The following CDKAL1 variants were observed in gnomAD, a reference collection of about 807,000 sequenced individuals.
CDKAL1 encodes CDKAL1 threonylcarbamoyladenosine tRNA methylthiotransferase.
Under a neutral mutation model 68.2 loss-of-function variants are expected in CDKAL1, and 32 were observed. That is an observed-to-expected ratio of 0.47 (90% CI 0.35 to 0.63). The LOEUF (loss-of-function observed/expected upper bound fraction) is 0.63, where lower values mean the gene tolerates loss of function less well. CDKAL1 is among the 30% of genes least tolerant of loss of function. The probability of loss-of-function intolerance (pLI) is 0.00; values close to 1 mark genes in which losing one functional copy is unlikely to be tolerated. For missense variants in CDKAL1, 606 were observed against 696.7 expected (o/e 0.87, Z 1.47); for synonymous variants, 234 against 244.3 (o/e 0.96, Z 0.39).
chr6:20,946,892 T>C (rs1036878339), intron 9 of CDKAL1, among the ~76,000 whole-genome samples: 18 of 152,202 alleles, frequency 1.2e-4, no homozygotes, highest in African/African-American at 4.3e-4. Flanking sequence ...CCACTGCAAC[T>C]GACCTCATCA....
At chr6:20,645,203 C>G (rs1768383927) in intron 4 of CDKAL1, among the ~76,000 whole-genome samples, 1 of 152,156 alleles carries the variant, frequency 6.6e-6, no homozygotes, top group Non-Finnish European at 1.5e-5. Flanking sequence ...GGGACATACC[C>G]TGCACCCTAC....
chr6:20,760,515 T>C (rs887128521), intron 7 of CDKAL1, among the ~76,000 whole-genome samples: 12 of 152,176 alleles, frequency 7.9e-5, no homozygotes, highest in African/African-American at 2.4e-4. Context: ...AATATTTTCC[T>C]AATTTTGCAG....
At chr6:20,675,450 TATC>T (rs1770045272) in intron 5 of CDKAL1, among the ~76,000 whole-genome samples, 1 of 152,216 alleles carries the variant, frequency 6.6e-6, no homozygotes, top group Non-Finnish European at 1.5e-5. Flanking sequence ...AAATTACCCA[TATC>T]ATCTTGGTTT....
At chr6:20,850,005 C>A (rs6456378) in intron 9 of CDKAL1, among the ~76,000 whole-genome samples, 146,006 of 152,332 alleles carry the variant, frequency 0.96, 69,985 homozygotes, top group East Asian at 1. Flanking sequence ...ATGAAAGTAA[C>A]CATAATAGAA....
At chr6:20,925,764 C>A (rs1763156809) in intron 9 of CDKAL1, among the ~76,000 whole-genome samples, 1 of 152,164 alleles carries the variant, frequency 6.6e-6, no homozygotes, top group South Asian at 2.1e-4. Context: ...GATACTAGAA[C>A]CTCTATCAAT....
chr6:20,569,586 TA>T (rs1764614604), intron 4 of CDKAL1, among the ~76,000 whole-genome samples: 1 of 152,228 alleles, frequency 6.6e-6, no homozygotes, highest in South Asian at 2.1e-4. Context: ...CCAGCCACCA[TA>T]ATGCTTAATT....
intron 9 of CDKAL1, among the ~76,000 whole-genome samples, chr6:20,884,292 AAAACAAAC>A (rs139241102): frequency 5.3e-5 from 8 of 151,908 alleles, no homozygotes; most frequent in Admixed American, 2.0e-4. Flanking sequence ...GTTGATGGAA[AAAACAAAC>A]AAACAAACAA....
At chr6:21,102,950 C>T (rs900642930) in intron 12 of CDKAL1, among the ~76,000 whole-genome samples, 3 of 152,308 alleles carry the variant, frequency 2.0e-5, no homozygotes, top group Middle Eastern at 6.8e-3. Flanking sequence ...AAATGCAAAC[C>T]CGCTCTTTTG....
intron 8 of CDKAL1, among the ~76,000 whole-genome samples, chr6:20,824,628 AAG>A (rs1333258229): frequency 3.3e-5 from 5 of 152,324 alleles, no homozygotes; most frequent in African/African-American, 9.6e-5. Context: ...AAGCCAGCAA[AAG>A]AGAGAGTTTT....
intron 12 of CDKAL1, among the ~76,000 whole-genome samples, chr6:21,103,406 T>C (rs1004890558): frequency 6.6e-6 from 1 of 150,464 alleles, no homozygotes; most frequent in African/African-American, 2.5e-5. Flanking sequence ...TGTTTGGTTT[T>C]GTCTGAAAAG....
At chr6:21,186,040 A>G (rs1454725536) in intron 13 of CDKAL1, among the ~76,000 whole-genome samples, 8 of 136,738 alleles carry the variant, frequency 5.9e-5, no homozygotes, top group African/African-American at 2.2e-4. Flanking sequence ...CCGGGCTCTC[A>G]GGGTCTCCCG....
At chr6:20,755,911 G>A (rs1441338905) in intron 6 of CDKAL1, among the ~76,000 whole-genome samples, 1 of 152,138 alleles carries the variant, frequency 6.6e-6, no homozygotes, top group Non-Finnish European at 1.5e-5. Context: ...TTTATGATAT[G>A]CTTTCTAACT....
At chr6:20,874,080 G>GATAT (rs1760363031) in intron 9 of CDKAL1, among the ~76,000 whole-genome samples, 8 of 152,118 alleles carry the variant, frequency 5.3e-5, no homozygotes, top group Admixed American at 1.3e-4. Flanking sequence ...AGGACGTTGG[G>GATAT]CCTGGGATAT....
intron 4 of CDKAL1, among the ~76,000 whole-genome samples, chr6:20,595,193 A>G (rs1765767537): frequency 6.6e-6 from 1 of 151,966 alleles, no homozygotes; most frequent in Admixed American, 6.6e-5. Flanking sequence ...TGTTCTCTGT[A>G]TTTCCTAAAT....
intron 5 of CDKAL1, among the ~76,000 whole-genome samples, chr6:20,673,000 C>T (rs1769923019): frequency 6.6e-6 from 1 of 152,182 alleles, no homozygotes; most frequent in African/African-American, 2.4e-5. Flanking sequence ...TGGTCTTGAA[C>T]TCCTGACCTC....
intron 4 of CDKAL1, among the ~76,000 whole-genome samples, chr6:20,557,058 T>TA (rs1561923487): frequency 7.2e-5 from 9 of 125,534 alleles, no homozygotes; most frequent in East Asian, 4.8e-4. Context: ...AAAAAATAAA[T>TA]AAATAAATAA....
chr6:20,781,888 G>C (rs1391146205), intron 8 of CDKAL1, among the ~76,000 whole-genome samples: 1 of 152,132 alleles, frequency 6.6e-6, no homozygotes, highest in Non-Finnish European at 1.5e-5. Flanking sequence ...CTGAAAATTT[G>C]ATGAGATGAA....
At chr6:21,225,143 G>A (rs113395744) in intron 15 of CDKAL1, among the ~76,000 whole-genome samples, 1 of 152,140 alleles carries the variant, frequency 6.6e-6, no homozygotes, top group African/African-American at 2.4e-5. Flanking sequence ...CACCACTGTT[G>A]ACACGCGCCA....
chr6:20,894,118 T>G (rs1457178640), intron 9 of CDKAL1, among the ~76,000 whole-genome samples: 1 of 152,206 alleles, frequency 6.6e-6, no homozygotes, highest in East Asian at 1.9e-4. Context: ...CATTAGCTTA[T>G]TGACTGCACA....
Sources: allele counts gnomAD v4.1 joint callset (sites outside exome capture counted in the v4.1 genomes callset), GRCh38; gene constraint gnomAD v4.1.1; transcripts MANE v1.5; gene names NCBI Gene and HGNC (gene_info 2026-07-23, HGNC 2026-07-21).